ZBTB20: variants seen among roughly 807,000 people sequenced by gnomAD.
The protein encoded by ZBTB20 is zinc finger and BTB domain-containing protein 20.
In ZBTB20, 9 loss-of-function variants were observed where a neutral mutation model predicts 56.9. The ratio of observed to expected loss-of-function variants is 0.16; its 90% CI spans 0.10 to 0.28. ZBTB20 has a LOEUF of 0.28. Among genes scored for constraint, ZBTB20 ranks in the 10% least tolerant of loss-of-function variants. ZBTB20 has a pLI of 1.00. For synonymous variants in ZBTB20, 417 were observed against 420.7 expected (o/e 0.99, Z 0.11); for missense variants, 655 against 1,003.0 (o/e 0.65, Z 4.69).
At chr3:114,588,480 G>A (rs561139650) in intron 6 of ZBTB20, among the ~76,000 whole-genome samples, 1 of 152,198 alleles carries the variant, frequency 6.6e-6, no homozygotes, top group Non-Finnish European at 1.5e-5. Context: ...ATATTCCCTG[G>A]TCTCTTTTAG....
At chr3:114,531,441 A>C (rs1229434430) in intron 6 of ZBTB20, among the ~76,000 whole-genome samples, 1 of 152,194 alleles carries the variant, frequency 6.6e-6, no homozygotes, top group Non-Finnish European at 1.5e-5. Flanking sequence ...CTTTACACAA[A>C]TATACAAAAA....
intron 4 of ZBTB20, among the ~76,000 whole-genome samples, chr3:114,871,269 G>A (rs902195349): frequency 2.0e-5 from 3 of 152,062 alleles, no homozygotes; most frequent in Non-Finnish European, 4.4e-5. Context: ...ATAGAGGGTA[G>A]ACAAATCAGG....
intron 6 of ZBTB20, among the ~76,000 whole-genome samples, chr3:114,520,458 G>T (rs2109921906): frequency 6.6e-6 from 1 of 152,284 alleles, no homozygotes; most frequent in Non-Finnish European, 1.5e-5. Context: ...TACCTGCAAT[G>T]TAAAGGGTAA....
chr3:114,557,311 G>A (rs1246630337), intron 6 of ZBTB20, among the ~76,000 whole-genome samples: 4 of 151,984 alleles, frequency 2.6e-5, no homozygotes, highest in Admixed American at 6.6e-5. Context: ...GTTTAAAACA[G>A]CACAAGAACC....
Position 115,135,496 on chromosome 3 carries a change from T to A in ZBTB20, c.-703+11723A>T, listed in dbSNP as rs571667775. ...AATACACTCCAGCTATTAATCACTT[T>A]AAGTAAGCTTTAATGCAATCCCAGT... On this transcript the variant is annotated intron_variant, in intron 1 of 11. Coordinates refer to ENST00000675478, the MANE Select transcript of ZBTB20 (RefSeq NM_001348800.3). Among the ~76,000 whole-genome samples, 25 of 152,336 alleles carry A rather than the reference T, an allele frequency of 1.6e-4. No individual in the cohort carries two copies. The South Asian group carries it at 4.6e-3, about 28-fold the overall frequency.
intron 10 of ZBTB20, among the ~76,000 whole-genome samples, chr3:114,355,385 A>G (rs2081141555): frequency 6.6e-6 from 1 of 152,048 alleles, no homozygotes; most frequent in Non-Finnish European, 1.5e-5. Context: ...TATACACACA[A>G]TTCTTAAATA....
intron 2 of ZBTB20, among the ~76,000 whole-genome samples, chr3:115,063,820 G>T (rs2082105228): frequency 6.6e-6 from 1 of 151,928 alleles, no homozygotes; most frequent in Non-Finnish European, 1.5e-5. Context: ...TGCTTCTATT[G>T]TTATTTTTAT....
intron 5 of ZBTB20, among the ~76,000 whole-genome samples, chr3:114,700,821 T>C (rs1329815080): frequency 6.6e-6 from 1 of 152,184 alleles, no homozygotes; most frequent in Non-Finnish European, 1.5e-5. Context: ...ATCATTGTAA[T>C]TAAGATTGGG....
At chr3:114,949,894 A>G (rs1363816967) in intron 3 of ZBTB20, among the ~76,000 whole-genome samples, 2 of 152,234 alleles carry the variant, frequency 1.3e-5, no homozygotes, top group Non-Finnish European at 2.9e-5. Context: ...CCAGTAACTT[A>G]ATAATAAAAA....
intron 4 of ZBTB20, among the ~76,000 whole-genome samples, chr3:114,827,133 A>G (rs1208823462): frequency 6.6e-6 from 1 of 151,764 alleles, no homozygotes; most frequent in Non-Finnish European, 1.5e-5. Flanking sequence ...GTTGCTAATC[A>G]AAATGAATAG....
At chr3:114,455,640 C>T (rs2091968367) in intron 7 of ZBTB20, among the ~76,000 whole-genome samples, 2 of 151,940 alleles carry the variant, frequency 1.3e-5, no homozygotes, top group South Asian at 2.1e-4. Flanking sequence ...GAAGAGGCAC[C>T]GTGGCAAGAG....
intron 7 of ZBTB20, among the ~76,000 whole-genome samples, chr3:114,448,803 T>C (rs1263094127): frequency 1.3e-5 from 2 of 152,156 alleles, no homozygotes; most frequent in East Asian, 1.9e-4. Context: ...ATGAAAGCAA[T>C]AGTTCAGTGA....
At chr3:114,451,396 A>G (rs1332924614) in intron 7 of ZBTB20, among the ~76,000 whole-genome samples, 2 of 152,094 alleles carry the variant, frequency 1.3e-5, no homozygotes, top group African/African-American at 4.8e-5. Flanking sequence ...GGGCAGACCA[A>G]CAAGCATATA....
intron 7 of ZBTB20, among the ~76,000 whole-genome samples, chr3:114,451,205 C>CAAA (rs10667324): frequency 0.012 from 1,622 of 136,238 alleles, 34 homozygotes; most frequent in East Asian, 0.068. Flanking sequence ...CAGAGGATGC[C>CAAA]AAAAAAAAAA....
intron 2 of ZBTB20, among the ~76,000 whole-genome samples, chr3:114,988,839 C>T (rs894266903): frequency 6.6e-6 from 1 of 152,172 alleles, no homozygotes; most frequent in Admixed American, 6.6e-5. Context: ...ATTTGCATTT[C>T]TCTGATGGCC....
chr3:115,037,351 C>G (rs796727061), intron 2 of ZBTB20, among the ~76,000 whole-genome samples: 8 of 152,226 alleles, frequency 5.3e-5, no homozygotes, highest in African/African-American at 1.9e-4. Flanking sequence ...GTGGTGCAAT[C>G]TCAGCTCACT....
chr3:115,109,269 C>A (rs926953098), intron 1 of ZBTB20, among the ~76,000 whole-genome samples: 1 of 152,028 alleles, frequency 6.6e-6, no homozygotes, highest in Admixed American at 6.6e-5. Flanking sequence ...AGAGTGCATT[C>A]TATAGGAAAA....
chr3:114,463,798 C>T (rs1322949402), intron 7 of ZBTB20, among the ~76,000 whole-genome samples: 1 of 152,092 alleles, frequency 6.6e-6, no homozygotes, highest in African/African-American at 2.4e-5. Context: ...CTTTGTTAAC[C>T]AAAATTGAAT....
intron 7 of ZBTB20, among the ~76,000 whole-genome samples, chr3:114,408,008 T>C (rs1158723798): frequency 6.6e-6 from 1 of 152,192 alleles, no homozygotes; most frequent in African/African-American, 2.4e-5. Flanking sequence ...AGAAACTCTA[T>C]CTGTTAAAAC....
Sources: gnomAD v4.1 joint callset for allele counts (sites outside exome capture counted in the v4.1 genomes callset) on GRCh38, gnomAD v4.1.1 for gene constraint, MANE v1.5 for transcripts, NCBI Gene and HGNC (gene_info 2026-07-23, HGNC 2026-07-21) for gene names.